ARHGAP29: variants seen among roughly 807,000 people sequenced by gnomAD.
The protein encoded by ARHGAP29 is Rho GTPase activating protein 29, also known as rho GTPase-activating protein 29.
In ARHGAP29, 43 loss-of-function variants were observed where a neutral mutation model predicts 122.6. That is an observed-to-expected ratio of 0.35 (90% CI 0.27 to 0.45). ARHGAP29 has a LOEUF of 0.45. Ranked by LOEUF, ARHGAP29 falls within the 20% of genes least tolerant of loss-of-function variation. The pLI is 1.00. For synonymous variants in ARHGAP29, 506 were observed against 497.1 expected (o/e 1.02, Z -0.24); for missense variants, 1,303 against 1,477.2 (o/e 0.88, Z 1.93).
In ARHGAP29 at chr1:94,174,233, C is replaced by G. The variant is rs563056608; in HGVS notation, c.3422G>C (p.Arg1141Thr). ...PVRSVREASE[R>T]RSSDSYPLAP... ...GAGAGGGTAGGAATCTGAAGACCGT[C>G]TCTCAGATGCCTCTCTCACTGACCT... The change falls in exon 23 of 23, where the codon AGA (arginine) becomes ACA (threonine). Residue 1141 changes from arginine (R) to threonine (T), a missense_variant. Physicochemically the swap from Arg to Thr is moderately conservative, Grantham distance 71. Transcript: ENST00000260526. 2 of 1,614,238 alleles carry G rather than the reference C, an allele frequency of 1.2e-6. No homozygotes were observed. The highest frequency in any genetic ancestry group is 2.2e-5 in the East Asian group (1 of 44,890).
intron 1 of ARHGAP29, among the ~76,000 whole-genome samples, chr1:94,254,821 C>T (rs973675730): frequency 3.3e-5 from 5 of 152,168 alleles, no homozygotes; most frequent in Admixed American, 2.0e-4. Context: ...TTAATTTACA[C>T]AGCTTTTCTT....
intron 1 of ARHGAP29, among the ~76,000 whole-genome samples, chr1:94,233,616 CCT>C (rs1653067232): frequency 6.6e-6 from 1 of 152,144 alleles, no homozygotes; most frequent in African/African-American, 2.4e-5. Context: ...CTGGCTCCTA[CCT>C]ACCTGTGCAA....
chr1:94,186,876 G>A (rs543786642), intron 15 of ARHGAP29, among the ~76,000 whole-genome samples: 3 of 152,160 alleles, frequency 2.0e-5, no homozygotes, highest in Non-Finnish European at 4.4e-5. Flanking sequence ...AAGTATTAGA[G>A]ATTGTAAACT....
the ARHGAP29 span, among the ~76,000 whole-genome samples, chr1:94,289,805 C>T: frequency 6.6e-6 from 1 of 152,054 alleles, no homozygotes; most frequent in Non-Finnish European, 1.5e-5. Flanking sequence ...TATTGATTTG[C>T]CTATGTTGAA....
chr1:94,283,345 G>T, the ARHGAP29 span, among the ~76,000 whole-genome samples: 29 of 152,270 alleles, frequency 1.9e-4, no homozygotes, highest in African/African-American at 6.7e-4. Flanking sequence ...TCACAGGGCT[G>T]CTGAGTGGTT....
Position 94,222,826 on chromosome 1 carries a change from C to T in ARHGAP29, c.206-2434G>A, listed in dbSNP as rs569829780. Among the ~76,000 whole-genome samples the T allele has an allele frequency of 4.6e-5, 7 of 152,202 alleles. No homozygotes were observed. In the East Asian group the frequency reaches 1.4e-3, roughly 29 times the overall value. On this transcript the variant is annotated intron_variant, in intron 2 of 22. Coordinates refer to ENST00000260526, the MANE Select transcript of ARHGAP29 (RefSeq NM_004815.4). ...CTATATGGGAACTTTGTATTATTAT[C>T]TCAATTTTTCTGTAAATCTAAACCT...
chr1:94,208,605 G>T (rs926778922), intron 5 of ARHGAP29, among the ~76,000 whole-genome samples: 1 of 151,690 alleles, frequency 6.6e-6, no homozygotes, highest in African/African-American at 2.4e-5. Context: ...GATTACAGGT[G>T]CCCACCACCA....
intron 1 of ARHGAP29, among the ~76,000 whole-genome samples, chr1:94,251,305 G>A (rs1200023666): frequency 3.3e-5 from 5 of 151,958 alleles, no homozygotes; most frequent in African/African-American, 1.2e-4. Context: ...CAGTAGCTGG[G>A]ACTATAGGTG....
intron 1 of ARHGAP29, among the ~76,000 whole-genome samples, chr1:94,260,990 C>T (rs1018567234): frequency 6.6e-6 from 1 of 152,110 alleles, no homozygotes; most frequent in African/African-American, 2.4e-5. Context: ...TGCAATGCCA[C>T]CTTCCTAATT....
chr1:94,265,414 C>G (rs939793516), intron 1 of ARHGAP29, among the ~76,000 whole-genome samples: 1 of 152,212 alleles, frequency 6.6e-6, no homozygotes, highest in Non-Finnish European at 1.5e-5. Context: ...TTAACCCCTC[C>G]AATTTCAGTT....
intron 1 of ARHGAP29, among the ~76,000 whole-genome samples, chr1:94,268,061 C>A (rs115019330): frequency 0.013 from 2,001 of 151,992 alleles, 50 homozygotes; most frequent in African/African-American, 0.046. Context: ...TTCTGATAAA[C>A]AAAAAAACTA....
upstream of ARHGAP29, among the ~76,000 whole-genome samples, chr1:94,239,591 GA>G (rs1405232904): frequency 4.0e-5 from 6 of 151,816 alleles, no homozygotes. Flanking sequence ...AAGAGGGAAA[GA>G]AGAAAGAAAT....
In ARHGAP29 at chr1:94,212,726, T is replaced by C. The variant is rs75754044; in HGVS notation, c.341-3376A>G. ...CCCTACCTGAGCGAAGTTATAGCCA[T>C]CTAATGAAAATTCCTATTCCTAATG... On this transcript the variant is annotated intron_variant, in intron 3 of 22. Transcript: ENST00000260526. Among the ~76,000 whole-genome samples the C allele has an allele frequency of 9.8e-3, 1,495 of 152,274 alleles. 20 individuals are homozygous for C. Among genetic ancestry groups the C allele is most frequent in the African/African-American group, 0.034 (1,423 of 41,552 alleles).
intron 1 of ARHGAP29, among the ~76,000 whole-genome samples, chr1:94,244,661 A>C (rs1653723984): frequency 6.6e-6 from 1 of 152,134 alleles, no homozygotes; most frequent in African/African-American, 2.4e-5. Flanking sequence ...AAAAAATCTT[A>C]AGAAGCCTAT....
intron 3 of ARHGAP29, among the ~76,000 whole-genome samples, chr1:94,215,809 A>G (rs1266787344): frequency 2.0e-5 from 3 of 152,198 alleles, no homozygotes; most frequent in Admixed American, 2.0e-4. Flanking sequence ...TTCAACATTA[A>G]TCAAAGACTA....
intron 1 of ARHGAP29, among the ~76,000 whole-genome samples, chr1:94,232,870 G>A (rs971289716): frequency 6.6e-6 from 1 of 151,112 alleles, no homozygotes; most frequent in Admixed American, 6.6e-5. Flanking sequence ...TGAATATTTG[G>A]CTACTTTAAA....
At chr1:94,210,137 TG>T (rs1651492039) in intron 3 of ARHGAP29, among the ~76,000 whole-genome samples, 1 of 152,214 alleles carries the variant, frequency 6.6e-6, no homozygotes, top group Non-Finnish European at 1.5e-5. Context: ...AAAGTGGAAT[TG>T]GTAATTTTTT....
intron 2 of ARHGAP29, among the ~76,000 whole-genome samples, chr1:94,221,903 C>G (rs1351140596): frequency 6.6e-6 from 1 of 151,176 alleles, no homozygotes. Flanking sequence ...ATAGTTGATT[C>G]CTGGACTGGG....
chr1:94,281,559 AG>A, the ARHGAP29 span, among the ~76,000 whole-genome samples: 1 of 152,224 alleles, frequency 6.6e-6, no homozygotes, highest in Admixed American at 6.5e-5. Context: ...CTCTGGTGGC[AG>A]GAAATAAGAT....
Sources: allele counts gnomAD v4.1 joint callset (sites outside exome capture counted in the v4.1 genomes callset), GRCh38; gene constraint gnomAD v4.1.1; transcripts MANE v1.5; gene names NCBI Gene and HGNC (gene_info 2026-07-23, HGNC 2026-07-21).